CFAP61: variants seen among roughly 807,000 people sequenced by gnomAD.
CFAP61 encodes cilia- and flagella-associated protein 61.
CFAP61 carries 107 observed loss-of-function variants against 135.6 expected under a neutral mutation model. That is an observed-to-expected ratio of 0.79 (90% confidence interval 0.67 to 0.93). The LOEUF is 0.93. Among genes scored for constraint, CFAP61 ranks in the 40% least tolerant of loss-of-function variants. The pLI is 0.00. For synonymous variants in CFAP61, 575 were observed against 578.5 expected (o/e 0.99, Z 0.09); for missense variants, 1,507 against 1,556.2 (o/e 0.97, Z 0.53).
chr20:20,216,842 G>A lies in CFAP61; in HGVS notation c.1933-11407G>A, dbSNP rs146839514. ...GGATCTTCATTTCCTAAGAATTAGC[G>A]GTAAAGACTTAGATCTTTATTTTCC... On this transcript the variant is annotated intron_variant, in intron 17 of 26. Coordinates refer to ENST00000245957, the MANE Select transcript of CFAP61 (RefSeq NM_015585.4). Among the ~76,000 whole-genome samples, 16 of 151,806 alleles carry A rather than the reference G, an allele frequency of 1.1e-4. No homozygotes were observed. In the East Asian group the frequency reaches 2.7e-3, roughly 26 times the overall value.
intron 23 of CFAP61, 124 bp downstream of exon 23, chr20:20,289,060 C>A: frequency 1.5e-6 from 1 of 646,592 alleles, no homozygotes; most frequent in Non-Finnish European, 2.6e-6. Context: ...CAATGGGTTG[C>A]CACAGAGACA....
chr20:20,340,842 G>A (rs777870669), intron 25 of CFAP61, among the ~76,000 whole-genome samples: 3 of 152,146 alleles, frequency 2.0e-5, no homozygotes, highest in African/African-American at 7.2e-5. Context: ...CTGATGCCAT[G>A]TTCTGATCCA....
chr20:20,327,534 G>C (rs2057796918), intron 25 of CFAP61, among the ~76,000 whole-genome samples: 2 of 151,992 alleles, frequency 1.3e-5, no homozygotes, highest in Admixed American at 1.3e-4. Flanking sequence ...AAAATGGCTG[G>C]CATGAGCTCT....
rs777680922 is a variant in CFAP61 at position 20,052,586 on chromosome 20, G to C, written c.-42G>C. 1 of 1,613,894 alleles carries C rather than the reference G, an allele frequency of 6.2e-7. No homozygotes were observed. Reference sequence around the variant, plus strand: ...TGGAGTGCGGCGTCCTGGAGCTGCGGATGAGGTGGGTAACGCCGTGCTGAC... The same window carrying C: ...TGGAGTGCGGCGTCCTGGAGCTGCGCATGAGGTGGGTAACGCCGTGCTGAC... On this transcript the variant is annotated 5_prime_UTR_variant, in exon 1 of 27. Transcript: ENST00000245957.
chr20:20,138,400 C>G (rs944031952), intron 8 of CFAP61, among the ~76,000 whole-genome samples: 22 of 152,320 alleles, frequency 1.4e-4, no homozygotes, highest in Admixed American at 1.2e-3. Context: ...AGGTTCCAAC[C>G]AGCAGGATGG....
At chr20:20,288,409 G>A (rs1035460436) in intron 22 of CFAP61, among the ~76,000 whole-genome samples, 200 bp from the exon 23 acceptor site, 1 of 152,212 alleles carries the variant, frequency 6.6e-6, no homozygotes, top group African/African-American at 2.4e-5. Flanking sequence ...GTGAATAAGA[G>A]TGACATTTGG....
intron 17 of CFAP61, among the ~76,000 whole-genome samples, chr20:20,208,994 A>G (rs558551552): frequency 6.6e-6 from 1 of 152,182 alleles, no homozygotes; most frequent in South Asian, 2.1e-4. Flanking sequence ...GAAATCTTCA[A>G]AAAAGCCCCT....
intron 21 of CFAP61, among the ~76,000 whole-genome samples, chr20:20,266,755 C>T (rs1053722147): frequency 6.6e-6 from 1 of 152,172 alleles, no homozygotes; most frequent in Non-Finnish European, 1.5e-5. Flanking sequence ...GTTCTGGAGT[C>T]ACGTGACTTG....
rs1003010661 is a variant in CFAP61, at chr20:20,172,301, T to A, written c.1385+2841T>A. ...ATTATGTCTATCTGTTATGTTTGAT[T>A]TTTTTGTTTTAATTAATAAACTTTT... is the stretch of plus-strand genomic sequence containing the variant. On this transcript the variant is annotated intron_variant, in intron 13 of 26. Transcript: ENST00000245957. 45 of 968,812 alleles carry A rather than the reference T, an allele frequency of 4.6e-5. No homozygotes were observed. The South Asian group carries it at 1.9e-3, about 40-fold the overall frequency. The allele number at this position is 968,812 out of a possible 1,614,324, so 60.0% of individuals were successfully genotyped here.
intron 6 of CFAP61, among the ~76,000 whole-genome samples, chr20:20,083,946 G>A (rs1434937061): frequency 1.3e-5 from 2 of 152,164 alleles, no homozygotes; most frequent in South Asian, 2.1e-4. Context: ...TTCTACAGTG[G>A]AATACTATAT....
intron 17 of CFAP61, among the ~76,000 whole-genome samples, chr20:20,210,356 G>A (rs1403153490): frequency 6.6e-6 from 1 of 152,154 alleles, no homozygotes; most frequent in Non-Finnish European, 1.5e-5. Flanking sequence ...ATCTGTCATT[G>A]GAAGCATCAA....
chr20:20,155,378 A>G (rs2052808560), intron 9 of CFAP61, among the ~76,000 whole-genome samples: 1 of 151,330 alleles, frequency 6.6e-6, no homozygotes, highest in South Asian at 2.1e-4. Context: ...AAAGACCAAG[A>G]ACCCAAAAGC....
intron 18 of CFAP61, among the ~76,000 whole-genome samples, chr20:20,234,080 C>A (rs2049382092): frequency 6.6e-6 from 1 of 152,160 alleles, no homozygotes; most frequent in African/African-American, 2.4e-5. Flanking sequence ...GGTTTGCATT[C>A]TTTCAAACCA....
At chr20:20,175,900 A>G (rs966803223) in intron 13 of CFAP61, among the ~76,000 whole-genome samples, 3 of 152,098 alleles carry the variant, frequency 2.0e-5, no homozygotes, top group Non-Finnish European at 2.9e-5. Context: ...AAAAGAAACT[A>G]TCATCAGAGT....
At chr20:20,226,820 C>T (rs2048768214) in intron 17 of CFAP61, among the ~76,000 whole-genome samples, 1 of 152,152 alleles carries the variant, frequency 6.6e-6, no homozygotes, top group Non-Finnish European at 1.5e-5. Context: ...GGGAGTATGC[C>T]ACGTGGTTTA....
chr20:20,288,905 C>T lies in CFAP61; in HGVS notation c.3093C>T (p.Leu1031=). The T allele has an allele frequency of 6.2e-7, 1 of 1,611,942 alleles. No individual in the cohort carries two copies. The highest frequency in any genetic ancestry group is 2.2e-5 in the East Asian group (1 of 44,808). The change falls in exon 23 of 27, where the codon CTC becomes CTT. Residue 1031 remains leucine (L), a synonymous_variant. Transcript: ENST00000245957. The part of the protein sequence containing the change: ...VTEPPANLDR[L]IPMYKGAKIQ... ...AGCCACCAGCTAATCTTGACCGGCTCATCCCCATGTACAAGGGAGCCAAGA... is the reference window on the plus strand; with the variant it reads ...AGCCACCAGCTAATCTTGACCGGCTTATCCCCATGTACAAGGGAGCCAAGA...
At chr20:20,185,507 G>A (rs2055431715) in intron 13 of CFAP61, among the ~76,000 whole-genome samples, 1 of 152,154 alleles carries the variant, frequency 6.6e-6, no homozygotes, top group Non-Finnish European at 1.5e-5. Context: ...AAACAGATGA[G>A]GCCAAAGGTC....
At chr20:20,294,937 A>AAATAATAAT (rs11474551) in intron 24 of CFAP61, among the ~76,000 whole-genome samples, 5,978 of 142,790 alleles carry the variant, frequency 0.042, 192 homozygotes, top group African/African-American at 0.076. Context: ...TCCGTCTCAA[A>AAATAATAAT]AATAATAATA....
intron 8 of CFAP61, among the ~76,000 whole-genome samples, chr20:20,125,292 C>G (rs1488710929): frequency 6.6e-6 from 1 of 151,420 alleles, no homozygotes; most frequent in Non-Finnish European, 1.5e-5. Flanking sequence ...TTCTCTAGTT[C>G]CTTGAGATGT....
Sources: gnomAD v4.1 joint callset for allele counts (sites outside exome capture counted in the v4.1 genomes callset) on GRCh38, gnomAD v4.1.1 for gene constraint, MANE v1.5 for transcripts, NCBI Gene and HGNC (gene_info 2026-07-23, HGNC 2026-07-21) for gene names.